The following RIT2 variants were observed in gnomAD, a reference collection of about 807,000 sequenced individuals.
The protein encoded by RIT2 is GTP-binding protein Rit2.
A neutral mutation model predicts 23.7 loss-of-function variants in RIT2; 24 were observed. The ratio of observed to expected loss-of-function variants is 1.01; its 90% CI spans 0.73 to 1.43. The LOEUF is 1.43. RIT2 is among the 40% of genes most tolerant of loss of function. The pLI, the probability that RIT2 is intolerant of heterozygous loss-of-function variation, is 0.00. For synonymous variants in RIT2, 107 were observed against 91.1 expected, an observed-to-expected ratio of 1.17 and a Z score of -0.99; for missense variants, 236 against 266.9, an observed-to-expected ratio of 0.88 and a Z score of 0.81.
At chr18:43,078,454 T>A (rs1300197865) in intron 1 of RIT2, among the ~76,000 whole-genome samples, 3 of 151,904 alleles carry the variant, frequency 2.0e-5, no homozygotes, top group African/African-American at 7.3e-5. Context: ...CTGCCACATG[T>A]ATAAATCTAC....
intron 4 of RIT2, among the ~76,000 whole-genome samples, chr18:42,826,155 T>A (rs1195883987): frequency 6.6e-6 from 1 of 152,052 alleles, no homozygotes. Flanking sequence ...GAGTGAGGAT[T>A]TTACGTTTTT....
chr18:43,108,454 A>C, intron 1 of RIT2, among the ~76,000 whole-genome samples: 1 of 152,116 alleles, frequency 6.6e-6, no homozygotes, highest in African/African-American at 2.4e-5. Context: ...TAGTAAGGCA[A>C]GGGAATGTGA....
At chr18:42,760,008 C>T (rs1183270517) in intron 4 of RIT2, among the ~76,000 whole-genome samples, 6 of 152,076 alleles carry the variant, frequency 3.9e-5, no homozygotes, top group African/African-American at 1.4e-4. Context: ...AACTCCCGAC[C>T]TCAAGTGATC....
At chr18:42,970,223 A>G (rs907049156) in intron 3 of RIT2, among the ~76,000 whole-genome samples, 2 of 152,022 alleles carry the variant, frequency 1.3e-5, no homozygotes, top group East Asian at 3.9e-4. Flanking sequence ...GATGGAAACT[A>G]TAAAGAAATT....
At chr18:42,773,396 A>T (rs754860574) in intron 4 of RIT2, among the ~76,000 whole-genome samples, 3 of 152,224 alleles carry the variant, frequency 2.0e-5, no homozygotes, top group African/African-American at 7.2e-5. Context: ...AACTGATGAA[A>T]AAAACAGTTC....
chr18:42,843,086 G>A (rs1353498909), intron 4 of RIT2, among the ~76,000 whole-genome samples: 1 of 152,098 alleles, frequency 6.6e-6, no homozygotes, highest in Non-Finnish European at 1.5e-5. Flanking sequence ...GGAATATAAT[G>A]GGCAAGAATG....
At chr18:42,864,950 A>G (rs867172168) in intron 4 of RIT2, among the ~76,000 whole-genome samples, 1 of 152,150 alleles carries the variant, frequency 6.6e-6, no homozygotes, top group Non-Finnish European at 1.5e-5. Flanking sequence ...TACTTACTAA[A>G]TGGACATTCA....
At chr18:43,004,770 T>G (rs982916477) in intron 2 of RIT2, among the ~76,000 whole-genome samples, 2 of 151,904 alleles carry the variant, frequency 1.3e-5, no homozygotes, top group Non-Finnish European at 2.9e-5. Flanking sequence ...ACTCACAGAT[T>G]TTCTTTCTGT....
At chr18:42,752,297 T>C (rs1913063772) in intron 4 of RIT2, among the ~76,000 whole-genome samples, 1 of 152,196 alleles carries the variant, frequency 6.6e-6, no homozygotes, top group African/African-American at 2.4e-5. Context: ...TAGCATAAGA[T>C]ATCTTGTCTA....
At chr18:42,927,420 G>A (rs1446168127) in intron 3 of RIT2, among the ~76,000 whole-genome samples, 1 of 150,978 alleles carries the variant, frequency 6.6e-6, no homozygotes, top group Admixed American at 6.6e-5. Flanking sequence ...TTTACTAAAA[G>A]ATGCAGTAGA....
At chr18:42,943,135 G>A (rs1909644482) in intron 3 of RIT2, among the ~76,000 whole-genome samples, 1 of 152,154 alleles carries the variant, frequency 6.6e-6, no homozygotes, top group Admixed American at 6.6e-5. Flanking sequence ...TGGCTGGTGT[G>A]GCCAGCTTTT....
chr18:43,073,329 T>C (rs1404480956), intron 1 of RIT2, among the ~76,000 whole-genome samples: 1 of 152,234 alleles, frequency 6.6e-6, no homozygotes, highest in Admixed American at 6.5e-5. Context: ...ATATGCTGGA[T>C]ATGACTTTCA....
In RIT2 at chr18:42,923,782, A is replaced by AAAG; in HGVS notation, c.235-20_235-19insCTT. 6.3e-7 allele frequency: 1 copy of AAAG among 1,580,226 alleles called. No homozygotes were observed. Among genetic ancestry groups the AAAG allele is most frequent in the East Asian group, 2.2e-5 (1 of 44,602 alleles). On this transcript the variant is annotated intron_variant, in intron 3 of 4. Transcript: ENST00000326695. Reference sequence around the variant, plus strand: ...ATTCTGCCTGCAGGAAAAAAAAAAAAAAATTAGTTATGGGCTTTCAATATA... The same window carrying AAAG: ...ATTCTGCCTGCAGGAAAAAAAAAAAAAAGAAATTAGTTATGGGCTTTCAATATA...
intron 2 of RIT2, among the ~76,000 whole-genome samples, chr18:43,024,249 G>A (rs948063969): frequency 4.6e-5 from 7 of 151,902 alleles, no homozygotes; most frequent in African/African-American, 1.7e-4. Context: ...CAGAAATAAA[G>A]CCACACACCT....
At chr18:42,828,269 A>G (rs1906359923) in intron 4 of RIT2, among the ~76,000 whole-genome samples, 1 of 152,202 alleles carries the variant, frequency 6.6e-6, no homozygotes, top group Admixed American at 6.5e-5. Flanking sequence ...TATTCAGTGA[A>G]ATTATTATCA....
chr18:42,787,533 CAAACATGAGTTAGCAGGTTCGGAG>C (rs929354605), intron 4 of RIT2, among the ~76,000 whole-genome samples: 45 of 152,188 alleles, frequency 3.0e-4, no homozygotes, highest in East Asian at 7.7e-4. Flanking sequence ...CTATGTTTTC[CAAACATGAGTTAGCAGGTTCGGAG>C]AAACATGAGT....
At chr18:42,794,026 A>C (rs955176350) in intron 4 of RIT2, among the ~76,000 whole-genome samples, 1 of 151,954 alleles carries the variant, frequency 6.6e-6, no homozygotes, top group Non-Finnish European at 1.5e-5. Context: ...ACTGTCGTAT[A>C]CTTAAATTTT....
intron 4 of RIT2, among the ~76,000 whole-genome samples, chr18:42,833,053 CAAAAAAA>C (rs35952869): frequency 1.3e-5 from 1 of 77,916 alleles, no homozygotes; most frequent in African/African-American, 4.6e-5. Flanking sequence ...GACTTCATCT[CAAAAAAA>C]AAAAAAAAAA....
At chr18:42,972,803 G>C (rs996316152) in intron 3 of RIT2, among the ~76,000 whole-genome samples, 1 of 151,776 alleles carries the variant, frequency 6.6e-6, no homozygotes, top group African/African-American at 2.4e-5. Flanking sequence ...TAAACAGGAT[G>C]TGTATGTGAA....
Sources: gnomAD v4.1 joint callset for allele counts (sites outside exome capture counted in the v4.1 genomes callset) on GRCh38, gnomAD v4.1.1 for gene constraint, MANE v1.5 for transcripts, NCBI Gene and HGNC (gene_info 2026-07-23, HGNC 2026-07-21) for gene names.